Variants in ADAM17 observed in about 807,000 individuals in gnomAD.
ADAM17 encodes ADAM metallopeptidase domain 17, also known as disintegrin and metalloproteinase domain-containing protein 17.
ADAM17 carries 39 observed loss-of-function variants against 96.7 expected under a neutral mutation model. That is an observed-to-expected ratio of 0.40 (90% CI 0.31 to 0.53). The LOEUF is 0.53. Among genes scored for constraint, ADAM17 ranks in the 20% least tolerant of loss-of-function variants. The probability of loss-of-function intolerance (pLI) is 0.44; values close to 1 mark genes in which losing one functional copy is unlikely to be tolerated. For missense variants in ADAM17, 777 were observed against 1,013.2 expected (o/e 0.77, Z 3.17); for synonymous variants, 344 against 359.2 (o/e 0.96, Z 0.48).
chr2:9,533,189 A>T (rs1353614193), intron 4 of ADAM17, among the ~76,000 whole-genome samples: 1 of 145,550 alleles, frequency 6.9e-6, no homozygotes, highest in Non-Finnish European at 1.5e-5. Flanking sequence ...ATGCCATCTT[A>T]AAAAAAAAAA....
chr2:9,549,518 C>T lies in ADAM17; in HGVS notation c.97+5991G>A, dbSNP rs1055563522. On this transcript the variant is annotated intron_variant, in intron 1 of 18. Transcript: ENST00000310823. Reference sequence around the variant, plus strand: ...GTGTTATATGAGAAGGTTCTGGAAACGTGTGGGTTTTTGTTTTGTTTTGTT... The same window carrying T: ...GTGTTATATGAGAAGGTTCTGGAAATGTGTGGGTTTTTGTTTTGTTTTGTT... Among the ~76,000 whole-genome samples the T allele has an allele frequency of 5.9e-5, 9 of 152,036 alleles. 1 individual carries two copies. The highest frequency in any genetic ancestry group is 4.1e-4 in the South Asian group (2 of 4,824).
Position 9,515,874 on chromosome 2 carries a change from A to G in ADAM17, c.1191+2027T>C, listed in dbSNP as rs574139845. Among the ~76,000 whole-genome samples, 4 of 152,266 alleles carry G rather than the reference A, an allele frequency of 2.6e-5. No homozygotes were observed. In the East Asian group the frequency reaches 5.8e-4, roughly 22 times the overall value. On this transcript the variant is annotated intron_variant, in intron 10 of 18. Transcript: ENST00000310823. ...ATAGCCTTGTTGGAATTGTGTTGCC[A>G]GTGTTTGGGATTTTAGCCATTCTAA...
Position 9,497,255 on chromosome 2 carries a change from GCAAA to G in ADAM17, c.1649-11_1649-8del. On this transcript the variant is annotated splice_polypyrimidine_tract_variant and splice_region_variant and intron_variant, in intron 13 of 18. Coordinates refer to ENST00000310823, the MANE Select transcript of ADAM17 (RefSeq NM_003183.6). ...GGGCACTCACTGCTATTACCTGGAA[GCAAA>G]CACCAGTCATAACAAAAAGAATGAG... 6.2e-7 allele frequency: 1 copy of G among 1,613,842 alleles called. No homozygotes were observed. Among genetic ancestry groups the G allele is most frequent in the Non-Finnish European group, 8.5e-7 (1 of 1,179,850 alleles).
intron 17 of ADAM17, among the ~76,000 whole-genome samples, chr2:9,491,567 C>T (rs565874637): frequency 3.4e-5 from 5 of 148,514 alleles, no homozygotes; most frequent in Non-Finnish European, 7.5e-5. Flanking sequence ...CAGCATTCTT[C>T]GCACTGCCCC....
At chr2:9,551,126 T>C (rs1665579805) in intron 1 of ADAM17, among the ~76,000 whole-genome samples, 2 of 149,782 alleles carry the variant, frequency 1.3e-5, no homozygotes, top group South Asian at 2.1e-4. Flanking sequence ...AAGTGCCAAA[T>C]GGGCAGCTGA....
At chr2:9,496,679 TGG>T (rs140782891) in intron 14 of ADAM17, 1,750 of 157,848 alleles carry the variant, frequency 0.011, 29 homozygotes, top group African/African-American at 0.04. Context: ...CCTCATCTAG[TGG>T]GGTTAGGTCC....
chr2:9,507,547 CA>C (rs369067676), intron 11 of ADAM17, among the ~76,000 whole-genome samples: 41 of 152,112 alleles, frequency 2.7e-4, no homozygotes, highest in African/African-American at 9.2e-4. Context: ...ATAGAAGATG[CA>C]CATTATCTTC....
intron 2 of ADAM17, among the ~76,000 whole-genome samples, chr2:9,541,569 A>C (rs113815549): frequency 5.3e-5 from 8 of 152,206 alleles, no homozygotes; most frequent in African/African-American, 1.7e-4. Flanking sequence ...TGTCTCAAAA[A>C]ACAAAAAACA....
At position 9,514,510 on chromosome 2, in the gene ADAM17, A is replaced by AAAATAT. The variant is rs1377892445; in HGVS notation, c.1191+3385_1191+3390dup. On this transcript the variant is annotated intron_variant, in intron 10 of 18. Transcript: ENST00000310823. ...CACATGTATCCTAGAACTTAAATTTAAAATATAAATATATATATATATATA... is the reference window on the plus strand; with the variant it reads ...CACATGTATCCTAGAACTTAAATTTAAAATATAAATATAAATATATATATATATATA... Among the ~76,000 whole-genome samples, 143 of 110,516 alleles carry AAAATAT rather than the reference A, an allele frequency of 1.3e-3. 1 individual carries two copies. The highest frequency in any genetic ancestry group is 4.6e-3 in the African/African-American group (136 of 29,598). The allele number at this position is 110,516 out of a possible 152,430, so 72.5% of individuals were successfully genotyped here.
chr2:9,526,657 A>G (rs968538283), intron 5 of ADAM17, among the ~76,000 whole-genome samples: 3 of 152,024 alleles, frequency 2.0e-5, no homozygotes, highest in Admixed American at 2.0e-4. Flanking sequence ...TTAGCCAGAT[A>G]TGGTGGCACC....
chr2:9,519,471 T>C (rs1003020687), intron 8 of ADAM17, among the ~76,000 whole-genome samples: 2 of 152,184 alleles, frequency 1.3e-5, no homozygotes, highest in Non-Finnish European at 2.9e-5. Context: ...TCAGGAGATC[T>C]GTGCTCAATT....
chr2:9,491,485 C>T (rs1662145241), intron 17 of ADAM17, among the ~76,000 whole-genome samples: 1 of 152,172 alleles, frequency 6.6e-6, no homozygotes, highest in Non-Finnish European at 1.5e-5. Flanking sequence ...ACAAATGTCC[C>T]AGATGCTGGG....
chr2:9,530,344 G>A (rs931732674), intron 4 of ADAM17, among the ~76,000 whole-genome samples: 2 of 152,178 alleles, frequency 1.3e-5, no homozygotes, highest in Admixed American at 6.6e-5. Context: ...ATATATCTGA[G>A]TTCAAACCTC....
intron 10 of ADAM17, among the ~76,000 whole-genome samples, chr2:9,517,315 AAAGAT>A (rs1664103953): frequency 2.0e-5 from 3 of 152,344 alleles, no homozygotes; most frequent in South Asian, 2.1e-4. Flanking sequence ...GGTGACAAAC[AAAGAT>A]AAGAACTCAA....
At chr2:9,493,029 C>G in intron 16 of ADAM17, 43 bp from the exon 17 acceptor site, 2 of 1,495,842 alleles carry the variant, frequency 1.3e-6, no homozygotes, top group Non-Finnish European at 9.2e-7. Flanking sequence ...CCAAGTACTT[C>G]ACAAATCTAA....
rs373207438 is a variant in ADAM17, at chr2:9,497,014, C to A, written c.1783+100G>T. 81 of 1,535,212 alleles carry A rather than the reference C, an allele frequency of 5.3e-5. No individual in the cohort carries two copies. In the African/African-American group the frequency reaches 9.4e-4, roughly 18 times the overall value. On this transcript the variant is annotated intron_variant, in intron 14 of 18. Coordinates refer to ENST00000310823, the MANE Select transcript of ADAM17 (RefSeq NM_003183.6). ...CCCCTCATCCTCGGCTTGGATCTCA[C>A]CACTGCTGTCATTCGCACAACCTCC...
In ADAM17 at chr2:9,523,261, T is replaced by C. The variant is rs751225336; in HGVS notation, c.831A>G (p.Ile277Met). ...TATTGATAAATACCTGCTCTATCTG[T>C]ATTCCATAGCCTTTAAAACCTGCAT... Reference protein sequence around the residue: ...WDNAGFKGYGIQIEQIRILKS... With the variant: ...WDNAGFKGYGMQIEQIRILKS... Residue 277 changes from isoleucine to methionine, a missense_variant, in exon 7 of 19, where the codon ATA (isoleucine) becomes ATG (methionine). This residue lies in a region of ADAM17 where 446 missense variants were observed against 664.7 expected (regional missense o/e 0.67). Transcript: ENST00000310823. The C allele has an allele frequency of 6.2e-7, 1 of 1,608,954 alleles. No individual in the cohort carries two copies. Among genetic ancestry groups the C allele is most frequent in the South Asian group, 1.1e-5 (1 of 90,736 alleles).
intron 13 of ADAM17, 152 bp from the exon 14 acceptor site, chr2:9,497,400 C>A: frequency 3.0e-6 from 3 of 997,360 alleles, no homozygotes; most frequent in Non-Finnish European, 4.3e-6. Flanking sequence ...CTGCATCTCA[C>A]CAGCAATCAG....
At chr2:9,539,546 A>ATAGT (rs1303575432) in intron 2 of ADAM17, among the ~76,000 whole-genome samples, 1 of 152,170 alleles carries the variant, frequency 6.6e-6, no homozygotes, top group East Asian at 1.9e-4. Context: ...TCAACCTCTA[A>ATAGT]TAGTTACATC....
Sources: allele counts gnomAD v4.1 joint callset (sites outside exome capture counted in the v4.1 genomes callset), GRCh38; gene constraint gnomAD v4.1.1; regional missense constraint gnomAD v4.1.1; transcripts MANE v1.5; gene names NCBI Gene and HGNC (gene_info 2026-07-23, HGNC 2026-07-21).